The following CRISPLD1 variants were observed in gnomAD, a reference collection of about 807,000 sequenced individuals.
The protein encoded by CRISPLD1 is cysteine-rich secretory protein LCCL domain-containing 1.
CRISPLD1 carries 60 observed loss-of-function variants against 77.5 expected under a neutral mutation model. The observed-to-expected ratio is 0.77, with a 90% CI of 0.63 to 0.96. The LOEUF is 0.96. Among genes scored for constraint, CRISPLD1 ranks in the 40% least tolerant of loss-of-function variants. The pLI, the probability that CRISPLD1 is intolerant of heterozygous loss-of-function variation, is 0.00. For synonymous variants in CRISPLD1, 195 were observed against 200.1 expected (o/e 0.97, Z 0.22); for missense variants, 623 against 615.8 (o/e 1.01, Z -0.12).
chr8:75,003,069 G>A (rs1812772788), intron 2 of CRISPLD1, among the ~76,000 whole-genome samples: 1 of 152,276 alleles, frequency 6.6e-6, no homozygotes, highest in African/African-American at 2.4e-5. Flanking sequence ...ACAGGAAACC[G>A]TATGTTGTTT....
chr8:75,032,304 A>G lies in CRISPLD1; in HGVS notation c.*62A>G. 1 of 1,326,886 alleles carries G rather than the reference A, an allele frequency of 7.5e-7. No individual in the cohort carries two copies. Among genetic ancestry groups the G allele is most frequent in the Non-Finnish European group, 1.1e-6 (1 of 934,444 alleles). The allele number at this position is 1,326,886 out of a possible 1,614,324, so 82.2% of individuals were successfully genotyped here. On this transcript the variant is annotated 3_prime_UTR_variant, in exon 15 of 15. Coordinates refer to ENST00000262207, the MANE Select transcript of CRISPLD1 (RefSeq NM_031461.6). ...CAAATGCAATATTTCTGAATTTTGT[A>G]TAAAACTGTAACATTACTGTACAGA...
chr8:75,000,234 A>G (rs1812716554), intron 2 of CRISPLD1: 2 of 985,306 alleles, frequency 2.0e-6, no homozygotes, highest in Non-Finnish European at 2.4e-6. Context: ...GACGTGTCAA[A>G]TCTGTATCTG....
intron 2 of CRISPLD1, among the ~76,000 whole-genome samples, chr8:75,005,282 A>C (rs1430731532): frequency 1.3e-5 from 2 of 152,174 alleles, no homozygotes; most frequent in African/African-American, 2.4e-5. Context: ...AAACAATGGA[A>C]TTGGAAAGCT....
chr8:75,012,563 C>T lies in CRISPLD1; in HGVS notation c.377+12C>T, dbSNP rs1812951509. 1 of 1,504,312 alleles carries T rather than the reference C, an allele frequency of 6.6e-7. No individual in the cohort carries two copies. Among genetic ancestry groups the T allele is most frequent in the South Asian group, 1.1e-5 (1 of 88,680 alleles). 93.2% of individuals were successfully genotyped at this position (1,504,312 alleles called of 1,614,324 possible). A position where few individuals can be genotyped will look rare whatever the true frequency, so the allele number is the denominator to read the frequency against. ...GCACACTGGGGAAGGTATCTTAAAG[C>T]ACAACTTTTTCTTTATGAAAAAATA... On this transcript the variant is annotated intron_variant, in intron 3 of 14. Coordinates refer to ENST00000262207, the MANE Select transcript of CRISPLD1 (RefSeq NM_031461.6).
At chr8:75,014,740 A>G (rs1812997975) in intron 5 of CRISPLD1, 72 bp from the exon 6 acceptor site, 5 of 918,610 alleles carry the variant, frequency 5.4e-6, no homozygotes, top group Non-Finnish European at 8.5e-6. Context: ...GTTCATATAT[A>G]GTGATGTTTC....
At chr8:75,012,820 A>AT in intron 3 of CRISPLD1, 70 bp from the exon 4 acceptor site, 1 of 1,514,810 alleles carries the variant, frequency 6.6e-7, no homozygotes. Flanking sequence ...ATACCAATGT[A>AT]TTTTGCAATA....
chr8:75,030,024 C>CTA (rs1401627035), intron 14 of CRISPLD1, among the ~76,000 whole-genome samples: 2 of 152,170 alleles, frequency 1.3e-5, no homozygotes, highest in African/African-American at 4.8e-5. Flanking sequence ...AACCCACCCA[C>CTA]TAGTGTCATA....
chr8:75,002,853 G>T (rs1812768898), intron 2 of CRISPLD1, among the ~76,000 whole-genome samples: 1 of 152,144 alleles, frequency 6.6e-6, no homozygotes, highest in Non-Finnish European at 1.5e-5. Flanking sequence ...GCTGTGTGGG[G>T]TAAATGAATA....
chr8:74,988,705 TGTGCTGGTAATTCCAG>T (rs1378469647), intron 2 of CRISPLD1, among the ~76,000 whole-genome samples: 1 of 151,988 alleles, frequency 6.6e-6, no homozygotes, highest in Non-Finnish European at 1.5e-5. Context: ...CATGGTGGCA[TGTGCTGGTAATTCCAG>T]GTGCTGGGGA....
chr8:75,020,550 C>G (rs1587025112), intron 12 of CRISPLD1, among the ~76,000 whole-genome samples: 1 of 152,198 alleles, frequency 6.6e-6, no homozygotes, highest in African/African-American at 2.4e-5. Flanking sequence ...TCTTACATCC[C>G]TTCTTGTAAG....
At chr8:74,991,286 A>G (rs758659200) in intron 2 of CRISPLD1, among the ~76,000 whole-genome samples, 7 of 152,104 alleles carry the variant, frequency 4.6e-5, no homozygotes, top group Admixed American at 2.6e-4. Context: ...GTGAGCCACC[A>G]TGCCAGTCTT....
chr8:75,006,271 G>C (rs1221745258), intron 2 of CRISPLD1, among the ~76,000 whole-genome samples: 1 of 152,026 alleles, frequency 6.6e-6, no homozygotes, highest in Non-Finnish European at 1.5e-5. Flanking sequence ...GCTACTTAAC[G>C]GTATAATAAT....
At chr8:75,012,405 C>A in intron 2 of CRISPLD1, 28 bp from the exon 3 acceptor site, 1 of 1,328,988 alleles carries the variant, frequency 7.5e-7, no homozygotes, top group Non-Finnish European at 1.1e-6. Flanking sequence ...GCTACATGTG[C>A]ACATTTTGCT....
At position 75,025,601 on chromosome 8, in the gene CRISPLD1, G is replaced by T; in HGVS notation, c.1300G>T (p.Gly434Ter). 1.3e-6 allele frequency: 2 copies of T among 1,581,944 alleles called. No individual in the cohort carries two copies. The highest frequency in any genetic ancestry group is 1.7e-6 in the Non-Finnish European group (2 of 1,153,570). Reference protein sequence around the residue: ...QANPHYARVIGTRVYSDLSSI... With the variant: ...QANPHYARVI ...AAATCCACATTATGCTCGTGTAATT[G>T]GAACTCGAGTTTATTCTGATGTAAG... The change falls in exon 13 of 15, where the codon GGA (glycine) becomes TGA (stop). Residue 434 changes from glycine (G) to a stop codon, truncating the protein, a stop_gained. Coordinates refer to ENST00000262207, the MANE Select transcript of CRISPLD1 (RefSeq NM_031461.6). LOFTEE classifies it high-confidence loss of function.
At chr8:75,000,455 A>C (rs1812721335) in intron 2 of CRISPLD1, 1 of 978,938 alleles carries the variant, frequency 1.0e-6, no homozygotes. Context: ...TCTCACATGA[A>C]CATCTACCAT....
At chr8:75,001,613 G>A (rs1413751486) in intron 2 of CRISPLD1, among the ~76,000 whole-genome samples, 3 of 152,212 alleles carry the variant, frequency 2.0e-5, no homozygotes, top group Non-Finnish European at 4.4e-5. Context: ...TCATTGTGTG[G>A]AAGGGAATAT....
At chr8:74,985,811 TTAAA>T in intron 1 of CRISPLD1, 111 bp from the exon 2 acceptor site, 1 of 716,236 alleles carries the variant, frequency 1.4e-6, no homozygotes, top group Non-Finnish European at 2.3e-6. Context: ...TTTTCTGCTG[TTAAA>T]TAGACAAATC....
At position 75,029,472 on chromosome 8, in the gene CRISPLD1, G is replaced by A. The variant is rs1480510115; in HGVS notation, c.1406G>A (p.Arg469Lys). ...GYVDVMPVDK[R>K]KTYIASFQNG... ...GTTGATGTAATGCCTGTGGACAAAA[G>A]AAAGACCTACATTGCTTCTTTTCAG... The change falls in exon 14 of 15, where the codon AGA becomes AAA. Residue 469 changes from arginine to lysine, a missense_variant. Arg to Lys is a conservative substitution (Grantham distance 26, BLOSUM62 2). Coordinates refer to ENST00000262207, the MANE Select transcript of CRISPLD1 (RefSeq NM_031461.6). 3.1e-6 allele frequency: 5 copies of A among 1,613,650 alleles called. No homozygotes were observed. Among genetic ancestry groups the A allele is most frequent in the Non-Finnish European group, 4.2e-6 (5 of 1,179,772 alleles).
intron 2 of CRISPLD1, among the ~76,000 whole-genome samples, chr8:74,995,856 A>G (rs1303740978): frequency 6.6e-6 from 1 of 152,158 alleles, no homozygotes; most frequent in Non-Finnish European, 1.5e-5. Context: ...TAAGAATTAC[A>G]TTTAGTTCAG....
Sources: allele counts gnomAD v4.1 joint callset (sites outside exome capture counted in the v4.1 genomes callset), GRCh38; gene constraint gnomAD v4.1.1; transcripts MANE v1.5; gene names NCBI Gene and HGNC (gene_info 2026-07-23, HGNC 2026-07-21).